MS4A15: variants seen among roughly 807,000 people sequenced by gnomAD.
MS4A15 encodes membrane spanning 4-domains A15.
Under a neutral mutation model 20.6 loss-of-function variants are expected in MS4A15, and 22 were observed. The ratio of observed to expected loss-of-function variants is 1.07; its 90% CI spans 0.76 to 1.52. The LOEUF is 1.52. Ranked by LOEUF, MS4A15 falls within the 40% of genes most tolerant of loss-of-function variation. The pLI, the probability that MS4A15 is intolerant of heterozygous loss-of-function variation, is 0.00. For synonymous variants in MS4A15, 129 were observed against 129.3 expected (o/e 1.00, Z 0.02); for missense variants, 312 against 323.0 (o/e 0.97, Z 0.26).
chr11:60,769,851 A>G (rs1853987721), intron 3 of MS4A15, among the ~76,000 whole-genome samples: 1 of 152,014 alleles, frequency 6.6e-6, no homozygotes, highest in Non-Finnish European at 1.5e-5. Flanking sequence ...CCCCATGGCC[A>G]CCATGCTGAG....
intron 1 of MS4A15, among the ~76,000 whole-genome samples, chr11:60,758,955 AC>A (rs1590972686): frequency 6.6e-6 from 1 of 152,206 alleles, no homozygotes. Context: ...GGCCTTACAA[AC>A]TTTTCCTCAC....
At chr11:60,764,250 A>T (rs1425499207) in intron 2 of MS4A15, among the ~76,000 whole-genome samples, 1 of 152,196 alleles carries the variant, frequency 6.6e-6, no homozygotes, top group Non-Finnish European at 1.5e-5. Flanking sequence ...TGGGGAGATG[A>T]CATTTAAGCC....
rs1290741685 is a variant in MS4A15, at chr11:60,766,935, C to CA, written c.226-594dup. Among the ~76,000 whole-genome samples the CA allele has an allele frequency of 7.2e-5, 11 of 152,182 alleles. 1 individual carries two copies. The highest frequency in any genetic ancestry group is 2.7e-4 in the African/African-American group (11 of 41,446). The stretch of plus-strand genomic sequence containing the variant: ...TCAGTTCCGGAATTCAATAGTTACC[C>CA]AAAACGTTGCAATGTTTCTGCTATT... On this transcript the variant is annotated intron_variant, in intron 2 of 6. Coordinates refer to ENST00000405633, the MANE Select transcript of MS4A15 (RefSeq NM_001098835.2).
chr11:60,768,660 T>C (rs569621206), intron 3 of MS4A15, among the ~76,000 whole-genome samples: 2 of 152,350 alleles, frequency 1.3e-5, no homozygotes, highest in South Asian at 4.1e-4. Flanking sequence ...CATCTAAAAC[T>C]TGGGCTCATA....
At chr11:60,760,238 C>T (rs1348422146) in intron 1 of MS4A15, among the ~76,000 whole-genome samples, 3 of 152,194 alleles carry the variant, frequency 2.0e-5, no homozygotes, top group East Asian at 1.9e-4. Flanking sequence ...TGCTTTTTTG[C>T]GAATTCAAGC....
intron 3 of MS4A15, among the ~76,000 whole-genome samples, chr11:60,769,796 G>C (rs1424241609): frequency 6.6e-6 from 1 of 152,066 alleles, no homozygotes; most frequent in Non-Finnish European, 1.5e-5. Flanking sequence ...GGTCGCGCCG[G>C]ATCACCCTCC....
In MS4A15 at chr11:60,763,732, C is replaced by G; in HGVS notation, c.-2C>G. The G allele has an allele frequency of 6.2e-7, 1 of 1,612,032 alleles. No homozygotes were observed. Among genetic ancestry groups the G allele is most frequent in the Non-Finnish European group, 8.5e-7 (1 of 1,179,806 alleles). On this transcript the variant is annotated 5_prime_UTR_variant, in exon 2 of 7. Coordinates refer to ENST00000405633, the MANE Select transcript of MS4A15 (RefSeq NM_001098835.2). ...CTTTGTTTCCCAGGCTCTCTGAGCA[C>G]GATGTCTGCAGCTCCCGCCAGCAAT...
At chr11:60,775,041 C>T (rs1854151871) in intron 6 of MS4A15, among the ~76,000 whole-genome samples, 1 of 152,184 alleles carries the variant, frequency 6.6e-6, no homozygotes, top group Non-Finnish European at 1.5e-5. Flanking sequence ...CAGAGCCGGA[C>T]GTGGTGGCTC....
At chr11:60,770,424 C>A (rs940244055) in intron 3 of MS4A15, among the ~76,000 whole-genome samples, 2 of 151,626 alleles carry the variant, frequency 1.3e-5, no homozygotes, top group Admixed American at 6.6e-5. Flanking sequence ...ATGGTGAAAC[C>A]CCGTCTCTCC....
At chr11:60,771,406 A>G in intron 4 of MS4A15, 59 bp downstream of exon 4, 1 of 1,600,544 alleles carries the variant, frequency 6.2e-7, no homozygotes. Flanking sequence ...ATCTCACTCT[A>G]CCCTGCCCCT....
intron 2 of MS4A15, among the ~76,000 whole-genome samples, chr11:60,765,590 T>C (rs189412380): frequency 2.6e-5 from 4 of 152,216 alleles, no homozygotes; most frequent in Admixed American, 6.5e-5. Context: ...TTCTTAAGAC[T>C]AAGTCATTTG....
At chr11:60,769,653 C>A (rs1028700676) in intron 3 of MS4A15, among the ~76,000 whole-genome samples, 1 of 152,122 alleles carries the variant, frequency 6.6e-6, no homozygotes, top group African/African-American at 2.4e-5. Context: ...TAGGCTTGTC[C>A]CCAGCCCTAT....
chr11:60,765,941 A>C (rs913417029), intron 2 of MS4A15, among the ~76,000 whole-genome samples: 3 of 152,166 alleles, frequency 2.0e-5, no homozygotes, highest in Non-Finnish European at 4.4e-5. Flanking sequence ...AAAAGTGGAA[A>C]ATACAAATAA....
chr11:60,758,408 TACA>T (rs921844101), intron 1 of MS4A15, among the ~76,000 whole-genome samples: 8 of 152,242 alleles, frequency 5.3e-5, no homozygotes, highest in African/African-American at 1.9e-4. Flanking sequence ...CTTCTTATGT[TACA>T]ATTGGCTTTT....
chr11:60,763,975 T>C lies in MS4A15; in HGVS notation c.225+17T>C, dbSNP rs1393121573. 1 of 1,598,956 alleles carries C rather than the reference T, an allele frequency of 6.3e-7. No homozygotes were observed. On this transcript the variant is annotated intron_variant, in intron 2 of 6. Transcript: ENST00000405633. ...GTTTTGGGGGTAAGAACAGCCTCTC[T>C]GCACAACCTGAGGCAGGTAGTGAGT...
chr11:60,774,248 C>CA (rs34817845), intron 6 of MS4A15, among the ~76,000 whole-genome samples: 63 of 151,218 alleles, frequency 4.2e-4, no homozygotes, highest in African/African-American at 1.2e-3. Context: ...CCTATCGCTA[C>CA]AAAAAAAAAT....
intron 1 of MS4A15, among the ~76,000 whole-genome samples, chr11:60,758,948 C>G (rs971769175): frequency 2.0e-5 from 3 of 152,240 alleles, no homozygotes; most frequent in African/African-American, 7.2e-5. Flanking sequence ...TGATATTGGC[C>G]TTACAAACTT....
intron 4 of MS4A15, chr11:60,771,614 T>C (rs2134725752): frequency 1.3e-6 from 2 of 1,486,898 alleles, no homozygotes; most frequent in Non-Finnish European, 1.8e-6. Context: ...GGAAAGATGC[T>C]AGAAGATCTC....
At chr11:60,759,896 G>A (rs187072126) in intron 1 of MS4A15, among the ~76,000 whole-genome samples, 16 of 152,032 alleles carry the variant, frequency 1.1e-4, no homozygotes, top group Non-Finnish European at 1.5e-4. Context: ...TTCTTCTGCC[G>A]CACCCCCCAT....
Sources: allele counts gnomAD v4.1 joint callset (sites outside exome capture counted in the v4.1 genomes callset), GRCh38; gene constraint gnomAD v4.1.1; transcripts MANE v1.5; gene names NCBI Gene and HGNC (gene_info 2026-07-23, HGNC 2026-07-21).